ATM: variants seen among roughly 807,000 people sequenced by gnomAD.
ATM encodes ATM serine/threonine kinase.
A neutral mutation model predicts 387.0 loss-of-function variants in ATM; 308 were observed. The ratio of observed to expected loss-of-function variants is 0.80; its 90% CI spans 0.73 to 0.87. The LOEUF (loss-of-function observed/expected upper bound fraction) is 0.87. Ranked by LOEUF, ATM falls within the 40% of genes least tolerant of loss-of-function variation. The pLI, the probability that ATM is intolerant of heterozygous loss-of-function variation, is 0.00. For synonymous variants in ATM, 1,156 were observed against 1,187.3 expected (o/e 0.97, Z 0.54); for missense variants, 3,312 against 3,560.9 (o/e 0.93, Z 1.78).
intron 61 of ATM, 191 bp downstream of exon 61, chr11:108,355,065 A>G (rs935662253): frequency 3.9e-5 from 23 of 590,758 alleles, no homozygotes; most frequent in Middle Eastern, 2.8e-4. Flanking sequence ...AAATGCCTTC[A>G]GCCCCCTTGA....
chr11:108,287,559 A>G (rs3218697), intron 26 of ATM, 41 bp from the exon 27 acceptor site: 2 of 1,315,214 alleles, frequency 1.5e-6, no homozygotes, highest in Admixed American at 1.8e-5. Context: ...ACGTTCACAG[A>G]TATAAAATAT....
chr11:108,347,241 A>C, intron 58 of ATM, 38 bp from the exon 59 acceptor site: 1 of 1,410,090 alleles, frequency 7.1e-7, no homozygotes, highest in Non-Finnish European at 1.0e-6. Flanking sequence ...AAGAGATGGA[A>C]TCAGTGATTT....
At chr11:108,247,873 C>T (rs949592423) in intron 8 of ATM, among the ~76,000 whole-genome samples, 5 of 152,114 alleles carry the variant, frequency 3.3e-5, no homozygotes, top group Admixed American at 1.3e-4. Context: ...GGATTACAGG[C>T]GTGAGCCACC....
intron 43 of ATM, among the ~76,000 whole-genome samples, chr11:108,319,737 A>T (rs1187710186): frequency 7.2e-5 from 11 of 152,248 alleles, no homozygotes; most frequent in African/African-American, 2.7e-4. Context: ...GAGCATATTT[A>T]GAACCAGGCA....
At chr11:108,234,636 A>G (rs540261439) in intron 4 of ATM, among the ~76,000 whole-genome samples, 15 of 152,150 alleles carry the variant, frequency 9.9e-5, no homozygotes, top group Non-Finnish European at 1.9e-4. Flanking sequence ...CAGGAGTTCA[A>G]GACCAGCCTG....
rs567999457 is a variant in ATM, at chr11:108,266,250, A to G, written c.2467-921A>G. Among the ~76,000 whole-genome samples, 299 of 151,642 alleles carry G rather than the reference A, an allele frequency of 2.0e-3. 2 individuals are homozygous for G. The highest frequency in any genetic ancestry group is 6.9e-3 in the African/African-American group (286 of 41,358). On this transcript the variant is annotated intron_variant, in intron 16 of 62. Coordinates refer to ENST00000675843, the MANE Select transcript of ATM (RefSeq NM_000051.4). ...GAACCAACCCAAATGTCCAACAATG[A>G]TAGACTGGATTAAGAAACTGTGGCA...
chr11:108,301,580 G>T (rs1294035574), intron 34 of ATM, 68 bp from the exon 35 acceptor site: 5 of 1,594,124 alleles, frequency 3.1e-6, no homozygotes, highest in Non-Finnish European at 3.4e-6. Flanking sequence ...AATTTTTTCA[G>T]TGGAGGTTAA....
chr11:108,273,331 C>CTTTTTTTTTT lies in ATM; in HGVS notation c.3284+497_3284+506dup, dbSNP rs563140198. Among the ~76,000 whole-genome samples the CTTTTTTTTTT allele has an allele frequency of 4.7e-4, 38 of 80,660 alleles. 1 individual carries two copies. Among genetic ancestry groups the CTTTTTTTTTT allele is most frequent in the African/African-American group, 2.1e-3 (37 of 17,518 alleles). 52.9% of individuals were successfully genotyped at this position (80,660 alleles called of 152,430 possible). A position where few individuals can be genotyped will look rare whatever the true frequency, so the allele number is the denominator to read the frequency against. ...GGAATAAACATATATTAATTTCATT[C>CTTTTTTTTTT]TTTTTTTTTTTTTTTTTTTTTTTTT... is the stretch of plus-strand genomic sequence containing the variant. On this transcript the variant is annotated intron_variant, in intron 22 of 62. Coordinates refer to ENST00000675843, the MANE Select transcript of ATM (RefSeq NM_000051.4).
At chr11:108,292,888 G>T in intron 30 of ATM, 95 bp downstream of exon 30, 2 of 1,410,786 alleles carry the variant, frequency 1.4e-6, no homozygotes, top group Admixed American at 1.8e-5. Context: ...TATAATTGGT[G>T]ATTTTATTGA....
intron 61 of ATM, chr11:108,355,722 A>G (rs2089828591): frequency 6.6e-6 from 1 of 152,254 alleles, no homozygotes; most frequent in Non-Finnish European, 1.5e-5. Context: ...CCAGGTTTCT[A>G]GAGATGGGGC....
rs969636919 is a variant in ATM at position 108,257,695 on chromosome 11, T to C, written c.2376+89T>C. The C allele has an allele frequency of 3.0e-6, 4 of 1,328,758 alleles. No homozygotes were observed. The African/African-American group carries it at 4.3e-5, about 14-fold the overall frequency. The allele number at this position is 1,328,758 out of a possible 1,614,324, so 82.3% of individuals were successfully genotyped here. ...AGTGCAGTGGGATTGTCACAACTCA[T>C]TGTAGCCTTGACCTCCTGGTTTCCA... On this transcript the variant is annotated intron_variant, in intron 15 of 62. Coordinates refer to ENST00000675843, the MANE Select transcript of ATM (RefSeq NM_000051.4).
intron 61 of ATM, among the ~76,000 whole-genome samples, chr11:108,357,614 C>T (rs1411042519): frequency 6.6e-6 from 1 of 152,174 alleles, no homozygotes; most frequent in Non-Finnish European, 1.5e-5. Context: ...AGGCAGACTG[C>T]CTCCTCAAGT....
chr11:108,289,414 TAA>T (rs2082661874), intron 28 of ATM, among the ~76,000 whole-genome samples, 186 bp from the exon 29 acceptor site: 5 of 152,312 alleles, frequency 3.3e-5, no homozygotes, highest in Admixed American at 2.0e-4. Flanking sequence ...GGCAATAGTT[TAA>T]GATAGTAATT....
chr11:108,296,396 G>A lies in ATM; in HGVS notation c.4910-891G>A, dbSNP rs1319067933. On this transcript the variant is annotated intron_variant, in intron 32 of 62. Transcript: ENST00000675843. ...CTCCCAAGGAGCAGGGATTACAGGTGTGTGCCACCATGCCCAGCTAATTTT... is the reference window on the plus strand; with the variant it reads ...CTCCCAAGGAGCAGGGATTACAGGTATGTGCCACCATGCCCAGCTAATTTT... Among the ~76,000 whole-genome samples, 2 of 151,970 alleles carry A rather than the reference G, an allele frequency of 1.3e-5. No individual in the cohort carries two copies. Among genetic ancestry groups the A allele is most frequent in the African/African-American group, 4.8e-5 (2 of 41,370 alleles).
chr11:108,231,111 G>C (rs74706571), intron 4 of ATM, among the ~76,000 whole-genome samples: 3,614 of 152,132 alleles, frequency 0.024, 105 homozygotes, highest in African/African-American at 0.075. Flanking sequence ...GAGCTTCCTT[G>C]GCTGTCAGAA....
intron 29 of ATM, 109 bp downstream of exon 29, chr11:108,289,910 A>G: frequency 1.8e-6 from 2 of 1,093,708 alleles, no homozygotes; most frequent in East Asian, 2.6e-5. Flanking sequence ...CTGTCCGCCC[A>G]GGCTGGGTGC....
Position 108,247,060 on chromosome 11 carries a change from C to T in ATM, c.998C>T (p.Ser333Phe), listed in dbSNP as rs28904919. The T allele has an allele frequency of 1.4e-3, 2,305 of 1,613,876 alleles. 4 individuals carry two copies. Among genetic ancestry groups the T allele is most frequent in the Admixed American group, 3.8e-3 (229 of 60,010 alleles). The change falls in exon 8 of 63, where the codon TCT becomes TTT. Residue 333 changes from serine (S) to phenylalanine (F), a missense_variant. By Grantham distance (155) the Ser-to-Phe change is radical (BLOSUM62 -2). Around this residue, in one of 4 missense-constraint regions of ATM, gnomAD observed 1,791 missense variants for 1,804.5 expected, o/e 0.99. Transcript: ENST00000675843. ...CATATAGGAAGTAGAGGAAAGTATT[C>T]TTCAGGATTTCGTAATATTGCCGTC... The part of the protein sequence containing the change: ...ISHIGSRGKY[S>F]SGFRNIAVKE...
At chr11:108,238,421 G>A (rs2079405574) in intron 5 of ATM, among the ~76,000 whole-genome samples, 1 of 151,924 alleles carries the variant, frequency 6.6e-6, no homozygotes, top group Non-Finnish European at 1.5e-5. Context: ...CAAAGTGTTG[G>A]GATTATAGGC....
intron 24 of ATM, among the ~76,000 whole-genome samples, chr11:108,281,937 A>C (rs1210681135): frequency 6.6e-6 from 1 of 152,102 alleles, no homozygotes; most frequent in African/African-American, 2.4e-5. Context: ...ATTTGGATTT[A>C]AGCCTAAGAG....
Sources: allele counts gnomAD v4.1 joint callset (sites outside exome capture counted in the v4.1 genomes callset), GRCh38; gene constraint gnomAD v4.1.1; regional missense constraint gnomAD v4.1.1; transcripts MANE v1.5; gene names NCBI Gene and HGNC (gene_info 2026-07-23, HGNC 2026-07-21).